The following TCEA3 variants were observed in gnomAD, a reference collection of about 807,000 sequenced individuals.
The protein encoded by TCEA3 is transcription elongation factor A protein 3.
In TCEA3, 36 loss-of-function variants were observed where a neutral mutation model predicts 44.0. The ratio of observed to expected loss-of-function variants is 0.82; its 90% confidence interval spans 0.63 to 1.08. The LOEUF is 1.08. TCEA3 is among the 50% of genes least tolerant of loss of function. TCEA3 has a pLI of 0.00. For missense variants in TCEA3, 392 were observed against 441.2 expected, an observed-to-expected ratio of 0.89 and a Z score of 1.00; for synonymous variants, 162 against 159.7, an observed-to-expected ratio of 1.01 and a Z score of -0.11.
At chr1:23,400,030 T>A (rs1639351605) in intron 5 of TCEA3, among the ~76,000 whole-genome samples, 1 of 152,106 alleles carries the variant, frequency 6.6e-6, no homozygotes, top group Non-Finnish European at 1.5e-5. Flanking sequence ...AAGGTTTGCA[T>A]GGGCAATGTC....
rs749402026 is a variant in TCEA3 at position 23,397,602 on chromosome 1, C to T, written c.608-1G>A. On this transcript the variant is annotated splice_acceptor_variant, in intron 6 of 10. Transcript: ENST00000450454. LOFTEE classifies it high-confidence loss of function. ...TTGACTCCATAGTCCTTGTAATCAT[C>T]TAAAAGAGATTCGAGAAATACAGGT... 1 of 1,613,648 alleles carries T rather than the reference C, an allele frequency of 6.2e-7. No individual in the cohort carries two copies. The highest frequency in any genetic ancestry group is 8.5e-7 in the Non-Finnish European group (1 of 1,179,774).
Position 23,417,263 on chromosome 1 carries a change from T to G in TCEA3, c.366A>C (p.Glu122Asp). ...AAAAAGAATACCTGGTTTTGGGGTC[T>G]TCTCGTTTTTTCCTTGGTGGAGAAA... is the stretch of plus-strand genomic sequence containing the variant. ...AGLSPPRKKR[E>D]DPKTRRDSVD... Residue 122 changes from glutamate to aspartate, a missense_variant, in exon 4 of 11, where the codon GAA (glutamate) becomes GAC (aspartate). Glu to Asp is a conservative substitution (Grantham distance 45, BLOSUM62 2). Transcript: ENST00000450454. 6.2e-7 allele frequency: 1 copy of G among 1,613,836 alleles called. No homozygotes were observed. The highest frequency in any genetic ancestry group is 1.1e-5 in the South Asian group (1 of 91,062).
intron 4 of TCEA3, among the ~76,000 whole-genome samples, chr1:23,409,120 A>C (rs1639637428): frequency 1.3e-5 from 2 of 152,154 alleles, no homozygotes. Flanking sequence ...AACCAGAGAA[A>C]CAGAGAAATC....
chr1:23,385,379 G>A (rs1483014868), intron 9 of TCEA3, among the ~76,000 whole-genome samples: 2 of 152,326 alleles, frequency 1.3e-5, no homozygotes, highest in East Asian at 1.9e-4. Context: ...AAGCAGTGAC[G>A]AGCAGAGAGA....
At chr1:23,389,484 C>CGCCA (rs1638955360) in intron 8 of TCEA3, among the ~76,000 whole-genome samples, 3 of 50,642 alleles carry the variant, frequency 5.9e-5, no homozygotes, top group African/African-American at 1.3e-4. Flanking sequence ...AGCGAGATTC[C>CGCCA]ATCAAAAAAA....
intron 4 of TCEA3, 58 bp from the exon 5 acceptor site, chr1:23,408,784 G>C (rs1639628319): frequency 2.0e-6 from 3 of 1,489,182 alleles, no homozygotes; most frequent in Non-Finnish European, 2.7e-6. Flanking sequence ...GTACTGACAG[G>C]AAGGTGGGGA....
intron 8 of TCEA3, among the ~76,000 whole-genome samples, chr1:23,387,976 C>CT (rs980637530): frequency 5.9e-5 from 9 of 152,222 alleles, no homozygotes; most frequent in African/African-American, 2.2e-4. Flanking sequence ...CCAAGATCAT[C>CT]TTTTTCTGAG....
chr1:23,396,173 C>T (rs1039097571), intron 7 of TCEA3, among the ~76,000 whole-genome samples: 1 of 152,054 alleles, frequency 6.6e-6, no homozygotes, highest in East Asian at 1.9e-4. Context: ...AAGATGGAAA[C>T]GCAAATTTGT....
At chr1:23,394,731 A>T (rs1266582625) in intron 7 of TCEA3, among the ~76,000 whole-genome samples, 1 of 152,202 alleles carries the variant, frequency 6.6e-6, no homozygotes, top group Non-Finnish European at 1.5e-5. Flanking sequence ...CCATTAACAG[A>T]TGAGGAAGCT....
At chr1:23,396,255 C>G (rs1215404619) in intron 7 of TCEA3, among the ~76,000 whole-genome samples, 2 of 152,144 alleles carry the variant, frequency 1.3e-5, no homozygotes, top group Non-Finnish European at 2.9e-5. Flanking sequence ...CAGGAGCCCT[C>G]AAAAGGGTCG....
At chr1:23,381,974 G>T (rs1463511838) in intron 10 of TCEA3, among the ~76,000 whole-genome samples, 1 of 151,996 alleles carries the variant, frequency 6.6e-6, no homozygotes, top group Non-Finnish European at 1.5e-5. Context: ...TTTATTCTGT[G>T]CTAGGCAGTA....
At position 23,400,665 on chromosome 1, in the gene TCEA3, A is replaced by G. The variant is rs574185665; in HGVS notation, c.444-2710T>C. On this transcript the variant is annotated intron_variant, in intron 5 of 10. Transcript: ENST00000450454. ...CATCAGAATCTGCCAGCCAGCCCCT[A>G]TATCTCTGTTGAGAAAAAAGTGGAC... is the stretch of plus-strand genomic sequence containing the variant. Among the ~76,000 whole-genome samples, 10 of 152,212 alleles carry G rather than the reference A, an allele frequency of 6.6e-5. No individual in the cohort carries two copies. The South Asian group carries it at 2.1e-3, about 32-fold the overall frequency.
chr1:23,383,001 C>A (rs532717079), intron 10 of TCEA3, among the ~76,000 whole-genome samples: 5 of 152,166 alleles, frequency 3.3e-5, no homozygotes, highest in African/African-American at 9.7e-5. Context: ...AATTAGAGGC[C>A]GGGCGCGGCG....
chr1:23,418,951 A>G, intron 2 of TCEA3, 126 bp downstream of exon 2: 1 of 522,602 alleles, frequency 1.9e-6, no homozygotes, highest in Non-Finnish European at 2.8e-6. Flanking sequence ...CCACCTCAAG[A>G]TCCCCTCCCC....
chr1:23,421,944 C>A (rs1640077059), intron 1 of TCEA3, among the ~76,000 whole-genome samples: 1 of 152,156 alleles, frequency 6.6e-6, no homozygotes, highest in Non-Finnish European at 1.5e-5. Context: ...GGAGAATAGC[C>A]ATGAGCCTGG....
At chr1:23,402,536 C>G (rs1441325363) in intron 5 of TCEA3, among the ~76,000 whole-genome samples, 1 of 152,186 alleles carries the variant, frequency 6.6e-6, no homozygotes, top group Admixed American at 6.5e-5. Flanking sequence ...ACAGGCTGGT[C>G]TTCCTTCCTG....
rs115133814 is a variant in TCEA3 at position 23,397,667 on chromosome 1, C to T, written c.608-66G>A. The T allele has an allele frequency of 4.9e-4, 789 of 1,603,386 alleles. 4 individuals are homozygous for T. The African/African-American group carries it at 9.6e-3, about 20-fold the overall frequency. On this transcript the variant is annotated intron_variant, in intron 6 of 10. Transcript: ENST00000450454. ...ACGTAGGCAGTGAAGCCTGCTTGTA[C>T]CTGGGACTAGAGTGTTCCTGTACCA...
At chr1:23,420,650 G>A (rs951190151) in intron 1 of TCEA3, among the ~76,000 whole-genome samples, 2 of 152,146 alleles carry the variant, frequency 1.3e-5, no homozygotes, top group African/African-American at 4.8e-5. Flanking sequence ...TCAAGTCTTT[G>A]TGTGAACAGG....
intron 9 of TCEA3, among the ~76,000 whole-genome samples, chr1:23,385,744 A>G (rs1429814676): frequency 6.6e-6 from 1 of 152,250 alleles, no homozygotes; most frequent in Non-Finnish European, 1.5e-5. Flanking sequence ...TTTTAAGAGA[A>G]GGGGCCTCCA....
Sources: gnomAD v4.1 joint callset for allele counts (sites outside exome capture counted in the v4.1 genomes callset) on GRCh38, gnomAD v4.1.1 for gene constraint, MANE v1.5 for transcripts, NCBI Gene and HGNC (gene_info 2026-07-23, HGNC 2026-07-21) for gene names.